The following ANXA4 variants were observed in gnomAD, a reference collection of about 807,000 sequenced individuals.
ANXA4 encodes annexin A4, also known as 35-beta calcimedin.
In ANXA4, 39 loss-of-function variants were observed where a neutral mutation model predicts 49.8. The ratio of observed to expected loss-of-function variants is 0.78; its 90% CI spans 0.61 to 1.02. The LOEUF is 1.02. Ranked by LOEUF, ANXA4 falls within the 50% of genes least tolerant of loss-of-function variation. ANXA4 has a pLI of 0.00. For synonymous variants in ANXA4, 134 were observed against 152.5 expected (o/e 0.88, Z 0.89); for missense variants, 360 against 410.1 (o/e 0.88, Z 1.05).
At chr2:69,735,888 G>C (rs1670232355) in intron 3 of ANXA4, among the ~76,000 whole-genome samples, 1 of 152,124 alleles carries the variant, frequency 6.6e-6, no homozygotes, top group African/African-American at 2.4e-5. Context: ...GGCCTTGAAG[G>C]CTTCCTAGTC....
chr2:69,693,017 C>T (rs1678025360), intron 2 of ANXA4, among the ~76,000 whole-genome samples: 1 of 152,062 alleles, frequency 6.6e-6, no homozygotes, highest in Admixed American at 6.6e-5. Flanking sequence ...GTTCAATGCC[C>T]AATATAATGC....
chr2:69,651,828 G>A (rs1424961042), intron 1 of ANXA4, among the ~76,000 whole-genome samples: 34 of 43,270 alleles, frequency 7.9e-4, no homozygotes, highest in East Asian at 7.7e-3. Flanking sequence ...GGGGGGGGGG[G>A]GCGGGGAGAC....
In ANXA4 at chr2:69,810,576, A is replaced by G; in HGVS notation, c.398-18A>G. 1 of 1,610,600 alleles carries G rather than the reference A, an allele frequency of 6.2e-7. No individual in the cohort carries two copies. Among genetic ancestry groups the G allele is most frequent in the Non-Finnish European group, 8.5e-7 (1 of 1,176,920 alleles). On this transcript the variant is annotated intron_variant, in intron 6 of 12. Coordinates refer to ENST00000394295, the MANE Select transcript of ANXA4 (RefSeq NM_001153.5). ...AAGACTCTTAATTCTGAAGTAGCTA[A>G]TTTCACTCTCTTGCTAGAATATGGA...
At chr2:69,804,681 A>G (rs970110147) in intron 4 of ANXA4, 54 bp downstream of exon 4, 2 of 1,432,606 alleles carry the variant, frequency 1.4e-6, no homozygotes, top group Non-Finnish European at 1.9e-6. Context: ...AACAGGAAGC[A>G]GGGCCTCTTC....
intron 1 of ANXA4, among the ~76,000 whole-genome samples, chr2:69,742,532 CTAACTCCTCCTAACACCTCT>C (rs1486518073): frequency 6.6e-6 from 1 of 152,220 alleles, no homozygotes; most frequent in Non-Finnish European, 1.5e-5. Flanking sequence ...TTGCCTGTAG[CTAACTCCTCCTAACACCTCT>C]TACAGTTTAC....
chr2:69,704,424 C>T (rs759452462), intron 2 of ANXA4, among the ~76,000 whole-genome samples: 3 of 152,186 alleles, frequency 2.0e-5, no homozygotes, highest in African/African-American at 4.8e-5. Flanking sequence ...CATTATTTCT[C>T]AACTCTGTGG....
chr2:69,777,765 C>T (rs921739982), intron 1 of ANXA4, among the ~76,000 whole-genome samples: 3 of 152,200 alleles, frequency 2.0e-5, no homozygotes, highest in South Asian at 2.1e-4. Flanking sequence ...AGCCCCTTCC[C>T]TTCATTCAGG....
At chr2:69,694,626 T>C (rs996392080) in intron 2 of ANXA4, among the ~76,000 whole-genome samples, 2 of 150,136 alleles carry the variant, frequency 1.3e-5, no homozygotes, top group Non-Finnish European at 3.0e-5. Context: ...ATGTGGTGTT[T>C]GGTTTTTTGT....
chr2:69,668,473 G>A (rs777243118), intron 2 of ANXA4, among the ~76,000 whole-genome samples: 22 of 152,236 alleles, frequency 1.4e-4, no homozygotes, highest in Non-Finnish European at 2.5e-4. Context: ...AAAAAAGTAT[G>A]AATTGTCCCT....
At chr2:69,818,533 C>G (rs1040309443) in intron 9 of ANXA4, 66 bp from the exon 10 acceptor site, 15 of 1,021,202 alleles carry the variant, frequency 1.5e-5, no homozygotes, top group Non-Finnish European at 2.2e-5. Context: ...AATGCTCATT[C>G]TCTCCATAAA....
chr2:69,703,437 G>C (rs4852929), intron 2 of ANXA4, among the ~76,000 whole-genome samples: 21,786 of 151,896 alleles, frequency 0.14, 2,208 homozygotes, highest in East Asian at 0.37. Context: ...GTCCCCACGA[G>C]TCCCCGGCAA....
At chr2:69,730,185 A>T (rs553460021) in intron 3 of ANXA4, among the ~76,000 whole-genome samples, 7 of 139,912 alleles carry the variant, frequency 5.0e-5, no homozygotes, top group Admixed American at 7.0e-5. Flanking sequence ...ACTTTTATTT[A>T]AAAAAAAAAA....
At chr2:69,759,765 C>T (rs6753043) in intron 1 of ANXA4, among the ~76,000 whole-genome samples, 76 of 152,108 alleles carry the variant, frequency 5.0e-4, no homozygotes, top group African/African-American at 6.7e-4. Context: ...AATTTTTTGG[C>T]GTGTACATAT....
chr2:69,695,209 A>G (rs1678122526), intron 2 of ANXA4, among the ~76,000 whole-genome samples: 1 of 152,178 alleles, frequency 6.6e-6, no homozygotes, highest in African/African-American at 2.4e-5. Flanking sequence ...ATCCAGGCAC[A>G]TTCAAGCTAT....
chr2:69,820,811 C>T lies in ANXA4; in HGVS notation c.896C>T (p.Ser299Leu), dbSNP rs765123505. 3 of 1,613,762 alleles carry T rather than the reference C, an allele frequency of 1.9e-6. No homozygotes were observed. Among genetic ancestry groups the T allele is most frequent in the East Asian group, 2.2e-5 (1 of 44,856 alleles). ...FKRLYGKSLY[S>L]FIKGDTSGDY... ...AGACTCTATGGAAAGTCTCTGTACT[C>T]GTTCATCAAGGTAGGTCACAGCAGC... The change falls in exon 12 of 13, where the codon TCG (serine) becomes TTG (leucine). Residue 299 changes from serine to leucine, a missense_variant. Coordinates refer to ENST00000394295, the MANE Select transcript of ANXA4 (RefSeq NM_001153.5).
At chr2:69,787,222 G>A (rs1364881595) in intron 2 of ANXA4, among the ~76,000 whole-genome samples, 1 of 152,144 alleles carries the variant, frequency 6.6e-6, no homozygotes, top group African/African-American at 2.4e-5. Context: ...TCAAGTCAAT[G>A]TTCAAATTTC....
intron 4 of ANXA4, 68 bp from the exon 5 acceptor site, chr2:69,806,317 C>A: frequency 8.5e-7 from 1 of 1,170,462 alleles, no homozygotes; most frequent in Non-Finnish European, 1.3e-6. Flanking sequence ...CATCCCTGGA[C>A]CACACCTGGA....
intron 2 of ANXA4, among the ~76,000 whole-genome samples, chr2:69,707,440 A>G (rs906521166): frequency 6.6e-6 from 1 of 152,176 alleles, no homozygotes; most frequent in Admixed American, 6.5e-5. Context: ...GATTCCTCCC[A>G]ATTACTGTTT....
chr2:69,818,629 A>G lies in ANXA4; in HGVS notation c.659A>G (p.Lys220Arg), dbSNP rs781279032. The change falls in exon 10 of 13, where the codon AAG becomes AGG. Residue 220 changes from lysine to arginine, a missense_variant. Coordinates refer to ENST00000394295, the MANE Select transcript of ANXA4 (RefSeq NM_001153.5). ...VFDEYKRISQ[K>R]DIEQSIKSET... ...GATGAATACAAAAGGATATCACAGA[A>G]GGATATTGAACAGAGTATTAAATCT... 1.9e-6 allele frequency: 3 copies of G among 1,609,784 alleles called. No individual in the cohort carries two copies. In the South Asian group the frequency reaches 3.3e-5, roughly 18 times the overall value.
Sources: gnomAD v4.1 joint callset for allele counts (sites outside exome capture counted in the v4.1 genomes callset) on GRCh38, gnomAD v4.1.1 for gene constraint, MANE v1.5 for transcripts, NCBI Gene and HGNC (gene_info 2026-07-23, HGNC 2026-07-21) for gene names.